The following TULP4 variants were observed in gnomAD, a reference collection of about 807,000 sequenced individuals.
TULP4 encodes the protein TUB like protein 4, also known as tubby-related protein 4.
Under a neutral mutation model 129.0 loss-of-function variants are expected in TULP4, and 16 were observed. The ratio of observed to expected loss-of-function variants is 0.12; its 90% CI spans 0.08 to 0.19. TULP4 has a LOEUF of 0.19. Ranked by LOEUF, TULP4 falls within the 10% of genes least tolerant of loss-of-function variation. The pLI is 1.00. For synonymous variants in TULP4, 998 were observed against 854.0 expected (o/e 1.17, Z -2.94); for missense variants, 1,842 against 2,059.1 (o/e 0.89, Z 2.04).
chr6:158,489,888 C>A (rs1249178547), intron 9 of TULP4, among the ~76,000 whole-genome samples, 156 bp downstream of exon 9: 1 of 152,218 alleles, frequency 6.6e-6, no homozygotes, highest in East Asian at 1.9e-4. Context: ...ATTACAACTT[C>A]TATTTGTTTT....
intron 5 of TULP4, among the ~76,000 whole-genome samples, chr6:158,459,489 C>G (rs1779373192): frequency 6.6e-6 from 1 of 151,836 alleles, no homozygotes; most frequent in African/African-American, 2.4e-5. Flanking sequence ...TCATTCTTGC[C>G]TCAGATAGAT....
intron 5 of TULP4, among the ~76,000 whole-genome samples, chr6:158,460,266 TA>T (rs1434209962): frequency 6.6e-6 from 1 of 152,150 alleles, no homozygotes; most frequent in Non-Finnish European, 1.5e-5. Flanking sequence ...GAATAAGGGG[TA>T]TTGTCATGTG....
intron 1 of TULP4, among the ~76,000 whole-genome samples, chr6:158,345,107 G>T (rs1056866165): frequency 6.6e-6 from 1 of 152,200 alleles, no homozygotes; most frequent in African/African-American, 2.4e-5. Flanking sequence ...GAGAGGTGAG[G>T]AAACTGCAGA....
intron 1 of TULP4, among the ~76,000 whole-genome samples, chr6:158,248,603 G>T (rs1174827747): frequency 6.6e-6 from 1 of 152,032 alleles, no homozygotes; most frequent in East Asian, 1.9e-4. Flanking sequence ...AACTAGCTGG[G>T]CATGGTGGTG....
rs1780451936 is a variant in TULP4, at chr6:158,501,829, T to C, written c.2166T>C (p.Asp722=). ...SLLANQNVQL[D]VLTNQTTAVG... is the part of the protein sequence containing the mutation. ...TGGCCAATCAGAATGTGCAGCTAGA[T>C]GTCCTGACCAACCAGACGACAGCTG... is the stretch of plus-strand genomic sequence containing the variant. The change falls in exon 13 of 14, where the codon GAT becomes GAC. Residue 722 remains aspartate (D), a synonymous_variant. Transcript: ENST00000367097. 4 of 1,614,102 alleles carry C rather than the reference T, an allele frequency of 2.5e-6. No individual in the cohort carries two copies. The highest frequency in any genetic ancestry group is 3.4e-6 in the Non-Finnish European group (4 of 1,180,008).
chr6:158,478,698 C>T (rs759943504), intron 6 of TULP4, among the ~76,000 whole-genome samples: 1 of 152,174 alleles, frequency 6.6e-6, no homozygotes, highest in African/African-American at 2.4e-5. Flanking sequence ...TGATCATCAG[C>T]GCTCCATCTG....
Position 158,449,188 on chromosome 6 carries a change from C to T in TULP4, c.724+12C>T. On this transcript the variant is annotated intron_variant, in intron 4 of 13. Coordinates refer to ENST00000367097, the MANE Select transcript of TULP4 (RefSeq NM_020245.5). ...CGCCCCTCCCCAAGGTACTCATTGG[C>T]CCTACTTTCCTTGTCACTGACCAGA... 11 of 1,603,942 alleles carry T rather than the reference C, an allele frequency of 6.9e-6. No individual in the cohort carries two copies. Among genetic ancestry groups the T allele is most frequent in the Non-Finnish European group, 7.7e-6 (9 of 1,174,630 alleles).
At chr6:158,418,559 G>A (rs1303354819) in intron 2 of TULP4, among the ~76,000 whole-genome samples, 1 of 152,146 alleles carries the variant, frequency 6.6e-6, no homozygotes, top group African/African-American at 2.4e-5. Context: ...CTTGTGACCA[G>A]AGTTCAAGAT....
chr6:158,482,320 G>T (rs549993171), intron 8 of TULP4, among the ~76,000 whole-genome samples: 2 of 152,196 alleles, frequency 1.3e-5, no homozygotes, highest in East Asian at 3.9e-4. Flanking sequence ...GTACACAGGT[G>T]CCCCACCTCT....
chr6:158,453,485 CAAAAA>C (rs869146924), intron 5 of TULP4, among the ~76,000 whole-genome samples: 74 of 17,964 alleles, frequency 4.1e-3, no homozygotes, highest in South Asian at 0.012. Flanking sequence ...CTCTGTCTCA[CAAAAA>C]AAAAAAAAAA....
At chr6:158,452,304 C>T (rs762735638) in intron 5 of TULP4, 36 bp downstream of exon 5, 2 of 1,608,216 alleles carry the variant, frequency 1.2e-6, no homozygotes, top group South Asian at 1.1e-5. Context: ...ACCTGCAGAC[C>T]GGGCCTGTGT....
chr6:158,380,614 G>T (rs1777297916), intron 1 of TULP4, among the ~76,000 whole-genome samples: 1 of 152,090 alleles, frequency 6.6e-6, no homozygotes, highest in South Asian at 2.1e-4. Context: ...AAGACAGGAG[G>T]CCAGGCATGG....
chr6:158,466,963 G>T (rs1779567363), intron 6 of TULP4, among the ~76,000 whole-genome samples: 1 of 152,076 alleles, frequency 6.6e-6, no homozygotes, highest in South Asian at 2.1e-4. Context: ...CTCAATGAAG[G>T]TCTGAAGCCT....
At chr6:158,434,591 T>G (rs1043786524) in intron 3 of TULP4, among the ~76,000 whole-genome samples, 1 of 152,186 alleles carries the variant, frequency 6.6e-6, no homozygotes, top group Non-Finnish European at 1.5e-5. Context: ...CCTTGCCCCT[T>G]GATATGTGAA....
chr6:158,298,669 T>G (rs1307781156), intron 1 of TULP4, among the ~76,000 whole-genome samples: 1 of 152,184 alleles, frequency 6.6e-6, no homozygotes, highest in Non-Finnish European at 1.5e-5. Flanking sequence ...TTGGACAGTT[T>G]GATTGTTCGT....
chr6:158,469,047 G>T (rs1779615030), intron 6 of TULP4, among the ~76,000 whole-genome samples: 1 of 152,118 alleles, frequency 6.6e-6, no homozygotes, highest in African/African-American at 2.4e-5. Context: ...AACTTCATTT[G>T]GCCTTTTGTT....
intron 1 of TULP4, among the ~76,000 whole-genome samples, chr6:158,389,482 A>C (rs754515832): frequency 6.6e-6 from 1 of 152,110 alleles, no homozygotes; most frequent in Non-Finnish European, 1.5e-5. Flanking sequence ...AACAAACAAG[A>C]ATTCATAAAA....
intron 1 of TULP4, among the ~76,000 whole-genome samples, chr6:158,267,296 A>C (rs1778462901): frequency 6.6e-6 from 1 of 152,202 alleles, no homozygotes. Flanking sequence ...TTGAAGACAT[A>C]ATAGGCCATC....
intron 1 of TULP4, among the ~76,000 whole-genome samples, chr6:158,323,561 G>A (rs1259249714): frequency 6.6e-6 from 1 of 152,066 alleles, no homozygotes; most frequent in African/African-American, 2.4e-5. Context: ...TTCCTTCCTA[G>A]GTAGTACCTT....
Sources: allele counts gnomAD v4.1 joint callset (sites outside exome capture counted in the v4.1 genomes callset), GRCh38; gene constraint gnomAD v4.1.1; transcripts MANE v1.5; gene names NCBI Gene and HGNC (gene_info 2026-07-23, HGNC 2026-07-21).